Variants in RPRD2 observed in about 807,000 individuals in gnomAD.
The protein encoded by RPRD2 is regulation of nuclear pre-mRNA domain-containing protein 2.
Under a neutral mutation model 104.4 loss-of-function variants are expected in RPRD2, and 12 were observed. That is an observed-to-expected ratio of 0.11 (90% CI 0.07 to 0.19). The LOEUF (loss-of-function observed/expected upper bound fraction) is 0.19, where lower values mean the gene tolerates loss of function less well. RPRD2 is among the 10% of genes least tolerant of loss of function. The pLI, the probability that RPRD2 is intolerant of heterozygous loss-of-function variation, is 1.00. For missense variants in RPRD2, 1,543 were observed against 1,790.1 expected (o/e 0.86, Z 2.49); for synonymous variants, 714 against 684.9 (o/e 1.04, Z -0.66).
intron 1 of RPRD2, among the ~76,000 whole-genome samples, chr1:150,388,549 CTTG>C (rs1166359360): frequency 6.6e-5 from 10 of 151,154 alleles, no homozygotes; most frequent in Non-Finnish European, 1.2e-4. Flanking sequence ...TCCTGTTGCC[CTTG>C]TTGTTAACAT....
intron 1 of RPRD2, among the ~76,000 whole-genome samples, chr1:150,400,604 G>A (rs142405817): frequency 0.017 from 2,580 of 152,146 alleles, 76 homozygotes; most frequent in African/African-American, 0.056. Context: ...GTTAATGTTC[G>A]CTCACCCACC....
At chr1:150,420,336 A>C (rs587597627) in intron 2 of RPRD2, among the ~76,000 whole-genome samples, 2 of 152,336 alleles carry the variant, frequency 1.3e-5, no homozygotes, top group South Asian at 4.1e-4. Flanking sequence ...AGAAGGACAT[A>C]ATCTCGGAAT....
At chr1:150,442,126 TA>T (rs59941019) in intron 4 of RPRD2, among the ~76,000 whole-genome samples, 168 bp downstream of exon 4, 43,178 of 126,328 alleles carry the variant, frequency 0.34, 7,175 homozygotes, top group Middle Eastern at 0.44. Flanking sequence ...GAGATACTTC[TA>T]AAAAAAAAAA....
chr1:150,416,895 AAAG>A (rs1340690929), intron 1 of RPRD2, among the ~76,000 whole-genome samples: 1 of 148,740 alleles, frequency 6.7e-6, no homozygotes, highest in African/African-American at 2.4e-5. Flanking sequence ...AAAAAAACAA[AAAG>A]AAGAAGAAGA....
intron 7 of RPRD2, among the ~76,000 whole-genome samples, chr1:150,450,178 C>T (rs1553896289): frequency 6.6e-6 from 1 of 152,132 alleles, no homozygotes; most frequent in East Asian, 1.9e-4. Context: ...TATGAAAGAT[C>T]TTAAGTCCAG....
At chr1:150,422,881 C>T (rs1441083131) in intron 2 of RPRD2, among the ~76,000 whole-genome samples, 1 of 152,004 alleles carries the variant, frequency 6.6e-6, no homozygotes, top group Non-Finnish European at 1.5e-5. Flanking sequence ...AAAGAGGTGC[C>T]CAAATAAGGG....
At position 150,366,822 on chromosome 1, in the gene RPRD2, A is replaced by G. The variant is rs587659598; in HGVS notation, c.205+1903A>G. On this transcript the variant is annotated intron_variant, in intron 1 of 10. Coordinates refer to ENST00000369068, the MANE Select transcript of RPRD2 (RefSeq NM_015203.5). ...TAAAACATTTTTACTGACCTATGCA[A>G]GCATTTTACATTTCCTCACCTTGGG... is the stretch of plus-strand genomic sequence containing the variant. 2.0e-5 allele frequency among the ~76,000 whole-genome samples: 3 copies of G among 152,320 alleles called. No individual in the cohort carries two copies. In the South Asian group the frequency reaches 6.2e-4, roughly 32 times the overall value.
intron 1 of RPRD2, among the ~76,000 whole-genome samples, chr1:150,408,598 C>T (rs1663673219): frequency 6.6e-6 from 1 of 151,056 alleles, no homozygotes; most frequent in Non-Finnish European, 1.5e-5. Flanking sequence ...TATGGATGTA[C>T]CTTTACATAT....
At chr1:150,440,326 C>T (rs1348404194) in intron 2 of RPRD2, among the ~76,000 whole-genome samples, 1 of 152,158 alleles carries the variant, frequency 6.6e-6, no homozygotes, top group East Asian at 1.9e-4. Context: ...CCTCGGCCTC[C>T]CAAAGCGCTG....
intron 7 of RPRD2, among the ~76,000 whole-genome samples, chr1:150,449,452 T>C (rs1667010729): frequency 6.6e-6 from 1 of 152,188 alleles, no homozygotes; most frequent in Admixed American, 6.5e-5. Flanking sequence ...TTGTTACTCC[T>C]TTTTTGCTTT....
At chr1:150,410,770 A>G (rs1319150511) in intron 1 of RPRD2, among the ~76,000 whole-genome samples, 1 of 152,218 alleles carries the variant, frequency 6.6e-6, no homozygotes, top group African/African-American at 2.4e-5. Flanking sequence ...TGCCATAACA[A>G]AATACCACAG....
chr1:150,384,682 T>TGTGTGTGTGTGTG (rs200494207), intron 1 of RPRD2, among the ~76,000 whole-genome samples: 2 of 125,232 alleles, frequency 1.6e-5, no homozygotes, highest in African/African-American at 6.3e-5. Context: ...TGTGTGTGTG[T>TGTGTGTGTGTGTG]TTTTAGTAGA....
chr1:150,435,034 C>T (rs1287480991), intron 2 of RPRD2, among the ~76,000 whole-genome samples: 1 of 152,066 alleles, frequency 6.6e-6, no homozygotes, highest in Non-Finnish European at 1.5e-5. Context: ...CCAACATATG[C>T]TCATTCATGT....
chr1:150,367,784 G>T (rs1260368), intron 1 of RPRD2, among the ~76,000 whole-genome samples: 1 of 150,838 alleles, frequency 6.6e-6, no homozygotes, highest in African/African-American at 2.4e-5. Context: ...GTGCAGTGGC[G>T]CGATCTCAGC....
intron 1 of RPRD2, among the ~76,000 whole-genome samples, chr1:150,373,407 G>A (rs949126950): frequency 4.6e-5 from 7 of 151,978 alleles, no homozygotes; most frequent in Non-Finnish European, 1.0e-4. Flanking sequence ...TTGATGGCTT[G>A]GACCAGGTTA....
chr1:150,398,848 A>G (rs1662751551), intron 1 of RPRD2, among the ~76,000 whole-genome samples: 1 of 152,010 alleles, frequency 6.6e-6, no homozygotes, highest in Non-Finnish European at 1.5e-5. Flanking sequence ...CGGCCTTAAC[A>G]GCATTTTTAA....
At position 150,472,987 on chromosome 1, in the gene RPRD2, A is replaced by G; in HGVS notation, c.4039A>G (p.Arg1347Gly). The change falls in exon 11 of 11, where the codon AGG (arginine) becomes GGG (glycine). Residue 1347 changes from arginine to glycine, a missense_variant. By Grantham distance (125) the Arg-to-Gly change is moderately radical. This residue lies in a region of RPRD2 where 880 missense variants were observed against 885.6 expected (regional missense o/e 0.99). Transcript: ENST00000369068. ...AEHFGVLPGP[R>G]DHGGPTQRDL... ...GCATTTTGGGGTACTCCCAGGACCC[A>G]GGGACCACGGGGGCCCCACCCAACG... 1 of 1,614,016 alleles carries G rather than the reference A, an allele frequency of 6.2e-7. No homozygotes were observed. Among genetic ancestry groups the G allele is most frequent in the Non-Finnish European group, 8.5e-7 (1 of 1,179,888 alleles).
At chr1:150,455,185 GAA>G (rs1235816089) in intron 7 of RPRD2, among the ~76,000 whole-genome samples, 4 of 152,082 alleles carry the variant, frequency 2.6e-5, no homozygotes, top group Non-Finnish European at 5.9e-5. Flanking sequence ...CAGTACTCTT[GAA>G]AACTGTCAAG....
chr1:150,382,754 T>G (rs141021860), intron 1 of RPRD2, among the ~76,000 whole-genome samples: 2,579 of 152,276 alleles, frequency 0.017, 74 homozygotes, highest in African/African-American at 0.056. Context: ...GAGGATCACT[T>G]AAGGCCAGGT....
Sources: gnomAD v4.1 joint callset for allele counts (sites outside exome capture counted in the v4.1 genomes callset) on GRCh38, gnomAD v4.1.1 for gene constraint, gnomAD v4.1.1 regional missense constraint, MANE v1.5 for transcripts, NCBI Gene and HGNC (gene_info 2026-07-23, HGNC 2026-07-21) for gene names.